Variants in FBLN7 observed in about 807,000 individuals in gnomAD.
FBLN7 encodes the protein fibulin-7.
In FBLN7, 31 loss-of-function variants were observed where a neutral mutation model predicts 44.0. The ratio of observed to expected loss-of-function variants is 0.70; its 90% CI spans 0.53 to 0.95. The LOEUF (loss-of-function observed/expected upper bound fraction) is 0.95, where lower values mean the gene tolerates loss of function less well. Ranked by LOEUF, FBLN7 falls within the 40% of genes least tolerant of loss-of-function variation. The probability of loss-of-function intolerance (pLI) is 0.00; values close to 1 mark genes in which losing one functional copy is unlikely to be tolerated. For synonymous variants in FBLN7, 262 were observed against 253.4 expected (o/e 1.03, Z -0.32); for missense variants, 573 against 618.5 (o/e 0.93, Z 0.78).
chr2:112,138,462 G>T lies in FBLN7; in HGVS notation c.-194G>T, dbSNP rs927692627. ...CAGCTGCGGGCGCACCTGGACCCTC[G>T]CAAGGCCCGGGCGGCGCCGATCCCC... On this transcript the variant is annotated 5_prime_UTR_variant, in exon 1 of 8. Transcript: ENST00000331203. The T allele has an allele frequency of 4.7e-5, 22 of 467,356 alleles. No homozygotes were observed. The highest frequency in any genetic ancestry group is 5.7e-5 in the Non-Finnish European group (18 of 317,308). 29.0% of individuals were successfully genotyped at this position (467,356 alleles called of 1,614,324 possible).
At chr2:112,163,006 C>T (rs1031691636) in intron 2 of FBLN7, among the ~76,000 whole-genome samples, 3 of 152,206 alleles carry the variant, frequency 2.0e-5, no homozygotes, top group African/African-American at 7.2e-5. Context: ...CTCTCACTCG[C>T]TTGCTACTCA....
At position 112,165,120 on chromosome 2, in the gene FBLN7, G is replaced by T; in HGVS notation, c.355G>T (p.Val119Leu). ...PGFRLVGPSS[V>L]VCLPNGTWTG... is the part of the protein sequence containing the mutation. Reference sequence around the variant, plus strand: ...GTTCCGGCTGGTCGGGCCCAGCAGCGTGGTGTGTCTTCCCAATGGCACCTG... The same window carrying T: ...GTTCCGGCTGGTCGGGCCCAGCAGCTTGGTGTGTCTTCCCAATGGCACCTG... The change falls in exon 3 of 8, where the codon GTG becomes TTG. Residue 119 changes from valine to leucine, a missense_variant. By Grantham distance (32) the Val-to-Leu change is conservative. Transcript: ENST00000331203. The T allele has an allele frequency of 2.5e-6, 4 of 1,614,154 alleles. No homozygotes were observed. The highest frequency in any genetic ancestry group is 3.4e-6 in the Non-Finnish European group (4 of 1,180,014).
intron 2 of FBLN7, among the ~76,000 whole-genome samples, chr2:112,163,192 C>G (rs759573706): frequency 6.6e-6 from 1 of 152,162 alleles, no homozygotes; most frequent in Non-Finnish European, 1.5e-5. Flanking sequence ...AGGTTGTGTC[C>G]GGCCCAGGTG....
chr2:112,143,710 C>T lies in FBLN7; in HGVS notation c.75+4980C>T, dbSNP rs184869840. The stretch of plus-strand genomic sequence containing the variant: ...TTGGCAGCCCTTATCTATTCTTTAT[C>T]GTTACAATTTTGTCTTCTCCATCAT... On this transcript the variant is annotated intron_variant, in intron 1 of 7. Transcript: ENST00000331203. 5.3e-5 allele frequency among the ~76,000 whole-genome samples: 8 copies of T among 152,174 alleles called. No homozygotes were observed. The East Asian group carries it at 1.2e-3, about 22-fold the overall frequency.
At chr2:112,153,999 G>A (rs1681293631) in intron 1 of FBLN7, among the ~76,000 whole-genome samples, 1 of 152,142 alleles carries the variant, frequency 6.6e-6, no homozygotes, top group African/African-American at 2.4e-5. Flanking sequence ...AACCATCCAT[G>A]CCACCTCTAC....
At chr2:112,180,922 C>CA (rs60214148) in intron 4 of FBLN7, among the ~76,000 whole-genome samples, 1,328 of 74,194 alleles carry the variant, frequency 0.018, 66 homozygotes, top group Non-Finnish European at 0.024. Context: ...GACTCTGTCT[C>CA]AAAAAAAAAA....
chr2:112,200,018 T>G, the FBLN7 span, among the ~76,000 whole-genome samples: 1 of 152,208 alleles, frequency 6.6e-6, no homozygotes, highest in Non-Finnish European at 1.5e-5. Context: ...ACCCAGTCTG[T>G]GGTATTCTGT....
chr2:112,182,752 C>A, intron 5 of FBLN7, 39 bp from the exon 6 acceptor site: 3 of 1,553,574 alleles, frequency 1.9e-6, no homozygotes, highest in Non-Finnish European at 1.7e-6. Flanking sequence ...ACACTTGCTG[C>A]ATGGCTCCTA....
downstream of FBLN7, among the ~76,000 whole-genome samples, chr2:112,191,606 T>G (rs1026191664): frequency 6.6e-6 from 1 of 152,184 alleles, no homozygotes; most frequent in Non-Finnish European, 1.5e-5. Context: ...ATGCCAACCT[T>G]AACACACAAA....
At chr2:112,170,397 T>A (rs531816775) in intron 3 of FBLN7, among the ~76,000 whole-genome samples, 97 of 142,506 alleles carry the variant, frequency 6.8e-4, no homozygotes, top group Non-Finnish European at 1.3e-3. Flanking sequence ...CATGGTGGCA[T>A]GCGCCTGTAA....
At position 112,164,980 on chromosome 2, in the gene FBLN7, T is replaced by C. The variant is rs748024408; in HGVS notation, c.236-21T>C. The C allele has an allele frequency of 2.5e-6, 4 of 1,610,932 alleles. No individual in the cohort carries two copies. In the South Asian group the frequency reaches 4.4e-5, roughly 18 times the overall value. On this transcript the variant is annotated intron_variant, in intron 2 of 7. Coordinates refer to ENST00000331203, the MANE Select transcript of FBLN7 (RefSeq NM_153214.3). ...GTGGTCCAGGATGAGGAGCTCGTAA[T>C]CCTTCCATCTCTCCTTACAGTTTCC...
the FBLN7 span, among the ~76,000 whole-genome samples, chr2:112,211,055 GC>G: frequency 2.0e-5 from 3 of 152,288 alleles, no homozygotes; most frequent in African/African-American, 7.2e-5. Flanking sequence ...TCTGGGGGTT[GC>G]CCTCAGCTAC....
At chr2:112,214,542 A>C in the FBLN7 span, 1 of 152,168 alleles carries the variant, frequency 6.6e-6, no homozygotes, top group African/African-American at 2.4e-5. Context: ...CACAGGAGGA[A>C]ACCAAGGGGA....
At chr2:112,238,161 T>C in the FBLN7 span, among the ~76,000 whole-genome samples, 1 of 152,180 alleles carries the variant, frequency 6.6e-6, no homozygotes. Context: ...AGATGGGGTC[T>C]CTGGCCATGC....
chr2:112,190,954 C>T (rs1458548428), downstream of FBLN7, among the ~76,000 whole-genome samples: 1 of 152,088 alleles, frequency 6.6e-6, no homozygotes, highest in Non-Finnish European at 1.5e-5. Flanking sequence ...TAATTCAGGA[C>T]TACTGTGGGT....
the FBLN7 span, chr2:112,213,812 T>G: frequency 7.5e-6 from 1 of 132,602 alleles, no homozygotes; most frequent in African/African-American, 2.9e-5. Context: ...AAAAAAAAAA[T>G]TTAGTTCTAC....
chr2:112,171,416 GT>G (rs202222879), intron 3 of FBLN7, among the ~76,000 whole-genome samples: 1,672 of 152,124 alleles, frequency 0.011, 29 homozygotes, highest in African/African-American at 0.038. Context: ...GCTGGATGGA[GT>G]TTTGGAAGGG....
chr2:112,155,332 C>T (rs959625229), intron 1 of FBLN7, among the ~76,000 whole-genome samples: 2 of 152,220 alleles, frequency 1.3e-5, no homozygotes, highest in African/African-American at 4.8e-5. Context: ...GACAGATGAG[C>T]ATGGCATCCA....
the FBLN7 span, among the ~76,000 whole-genome samples, chr2:112,229,797 A>G: frequency 6.6e-6 from 1 of 152,222 alleles, no homozygotes; most frequent in Admixed American, 6.5e-5. Flanking sequence ...AAACGTATAC[A>G]GCAAAGCTCC....
Sources: gnomAD v4.1 joint callset for allele counts (sites outside exome capture counted in the v4.1 genomes callset) on GRCh38, gnomAD v4.1.1 for gene constraint, MANE v1.5 for transcripts, NCBI Gene and HGNC (gene_info 2026-07-23, HGNC 2026-07-21) for gene names.